MRTFB: variants seen among roughly 807,000 people sequenced by gnomAD.
MRTFB encodes myocardin-related transcription factor B.
In MRTFB, 29 loss-of-function variants were observed where a neutral mutation model predicts 104.2. That is an observed-to-expected ratio of 0.28 (90% CI 0.21 to 0.38). MRTFB has a LOEUF of 0.38. Ranked by LOEUF, MRTFB falls within the 10% of genes least tolerant of loss-of-function variation. MRTFB has a pLI of 1.00. For missense variants in MRTFB, 1,270 were observed against 1,341.6 expected, an observed-to-expected ratio of 0.95 and a Z score of 0.83; for synonymous variants, 535 against 519.5, an observed-to-expected ratio of 1.03 and a Z score of -0.41.
chr16:14,133,981 A>G (rs1043599372), intron 2 of MRTFB, among the ~76,000 whole-genome samples: 3 of 152,210 alleles, frequency 2.0e-5, no homozygotes, highest in Non-Finnish European at 4.4e-5. Flanking sequence ...TAAAAGCTAC[A>G]TGTGTTTGAA....
At chr16:14,001,506 C>A in the MRTFB span, among the ~76,000 whole-genome samples, 1 of 152,204 alleles carries the variant, frequency 6.6e-6, no homozygotes, top group Admixed American at 6.5e-5. Context: ...GCGGATGGCC[C>A]GAGGTGGGTC....
chr16:14,021,119 C>T, the MRTFB span: 2 of 152,202 alleles, frequency 1.3e-5, no homozygotes, highest in African/African-American at 2.4e-5. Flanking sequence ...AGATGACACC[C>T]GTTTGTTATG....
intron 2 of MRTFB, among the ~76,000 whole-genome samples, chr16:14,108,411 C>T (rs985160290): frequency 1.3e-5 from 2 of 152,128 alleles, no homozygotes; most frequent in Non-Finnish European, 2.9e-5. Context: ...ATTTAACAAC[C>T]CTTGATAGAA....
chr16:14,106,092 T>G (rs2035959888), intron 2 of MRTFB, among the ~76,000 whole-genome samples: 1 of 152,204 alleles, frequency 6.6e-6, no homozygotes, highest in Non-Finnish European at 1.5e-5. Flanking sequence ...TACTGTACAC[T>G]TGTGTGTGTG....
chr16:14,228,866 G>C (rs1257839987), intron 8 of MRTFB, among the ~76,000 whole-genome samples: 1 of 152,150 alleles, frequency 6.6e-6, no homozygotes, highest in African/African-American at 2.4e-5. Flanking sequence ...TCTTAGAGTA[G>C]TAAAAATCAT....
intron 2 of MRTFB, among the ~76,000 whole-genome samples, chr16:14,110,399 G>A (rs2036211056): frequency 6.6e-6 from 1 of 152,230 alleles, no homozygotes; most frequent in South Asian, 2.1e-4. Flanking sequence ...GAGCTCTGAA[G>A]GCAGTCAGGG....
intron 14 of MRTFB, 66 bp from the exon 15 acceptor site, chr16:14,252,299 G>A: frequency 6.4e-7 from 1 of 1,569,900 alleles, no homozygotes; most frequent in East Asian, 2.3e-5. Flanking sequence ...GCAGAGCCGA[G>A]TCTAGCCAGG....
At chr16:14,101,744 G>A (rs1315638138) in intron 2 of MRTFB, among the ~76,000 whole-genome samples, 1 of 152,170 alleles carries the variant, frequency 6.6e-6, no homozygotes, top group Non-Finnish European at 1.5e-5. Flanking sequence ...GTATCCCACT[G>A]AAAACTTAGG....
In MRTFB at chr16:14,263,211, G is replaced by A. The variant is rs1174477319; in HGVS notation, c.*1767G>A. On this transcript the variant is annotated 3_prime_UTR_variant, in exon 17 of 17. Transcript: ENST00000571589. ...GTAGTCTGTGATGAATAGTTTAAGT[G>A]TTCAGAAATTGGTAAACCAACACAC... The A allele has an allele frequency of 1.3e-5, 2 of 152,220 alleles. No individual in the cohort carries two copies. The highest frequency in any genetic ancestry group is 1.3e-4 in the Admixed American group (2 of 15,278). The allele number at this position is 152,220 out of a possible 1,614,324, so 9.4% of individuals were successfully genotyped here.
In MRTFB at chr16:14,090,019, TAC is replaced by T. The variant is rs543273741; in HGVS notation, c.-64+10674_-64+10675del. Among the ~76,000 whole-genome samples the T allele has an allele frequency of 1.1e-3, 165 of 152,282 alleles. 1 individual carries two copies. Among genetic ancestry groups the T allele is most frequent in the Non-Finnish European group, 2.0e-3 (135 of 68,016 alleles). ...GTGATAGTTCTTTATATATTTTGTA[TAC>T]ACACACACCCCCAAACACCCCCACC... is the stretch of plus-strand genomic sequence containing the variant. On this transcript the variant is annotated intron_variant, in intron 2 of 16. Transcript: ENST00000571589.
intron 3 of MRTFB, among the ~76,000 whole-genome samples, chr16:14,184,974 C>A (rs1486293440): frequency 1.3e-5 from 2 of 152,074 alleles, no homozygotes; most frequent in African/African-American, 4.8e-5. Flanking sequence ...ATTAGATAAA[C>A]CTTGCAAAAC....
At chr16:14,014,847 G>A in the MRTFB span, among the ~76,000 whole-genome samples, 3 of 152,104 alleles carry the variant, frequency 2.0e-5, no homozygotes, top group South Asian at 2.1e-4. Context: ...CCAGCCTGGC[G>A]ACAGGGCAAG....
At chr16:14,115,276 T>C (rs914255443) in intron 2 of MRTFB, among the ~76,000 whole-genome samples, 3 of 152,340 alleles carry the variant, frequency 2.0e-5, no homozygotes, top group Non-Finnish European at 2.9e-5. Context: ...AATAAGTAGA[T>C]TTTTGTGAAA....
intron 8 of MRTFB, among the ~76,000 whole-genome samples, chr16:14,223,996 G>T (rs1191918871): frequency 6.6e-6 from 1 of 152,224 alleles, no homozygotes; most frequent in Admixed American, 6.5e-5. Flanking sequence ...TCCACGGGCT[G>T]TACAGGAGGC....
At chr16:14,194,652 T>C (rs940789667) in intron 3 of MRTFB, among the ~76,000 whole-genome samples, 48 of 152,054 alleles carry the variant, frequency 3.2e-4, no homozygotes, top group African/African-American at 1.1e-3. Context: ...ATTGGTACAG[T>C]GGCCAAAACT....
chr16:14,034,675 C>T, the MRTFB span, among the ~76,000 whole-genome samples: 1 of 150,626 alleles, frequency 6.6e-6, no homozygotes, highest in South Asian at 2.1e-4. Context: ...TCCTTCCTTT[C>T]TGTTTGTCTT....
At chr16:13,995,160 T>C in the MRTFB span, among the ~76,000 whole-genome samples, 3 of 152,224 alleles carry the variant, frequency 2.0e-5, no homozygotes, top group Admixed American at 6.5e-5. Flanking sequence ...AGAGACCTCG[T>C]TGGGACTCAG....
chr16:14,235,078 T>C (rs2042435241), intron 9 of MRTFB, among the ~76,000 whole-genome samples: 1 of 151,822 alleles, frequency 6.6e-6, no homozygotes. Flanking sequence ...CCAGGAAGGG[T>C]CCCAACCTCC....
At chr16:14,003,840 A>C in the MRTFB span, among the ~76,000 whole-genome samples, 5 of 152,170 alleles carry the variant, frequency 3.3e-5, no homozygotes, top group African/African-American at 1.2e-4. Context: ...AATGGTGAGG[A>C]CTGTTCCCTA....
Sources: allele counts gnomAD v4.1 joint callset (sites outside exome capture counted in the v4.1 genomes callset), GRCh38; gene constraint gnomAD v4.1.1; transcripts MANE v1.5; gene names NCBI Gene and HGNC (gene_info 2026-07-23, HGNC 2026-07-21).